Variants in RIT2 observed in about 807,000 individuals in gnomAD.
RIT2 encodes the protein GTP-binding protein Rit2.
In RIT2, 24 loss-of-function variants were observed where a neutral mutation model predicts 23.7. The observed-to-expected ratio is 1.01, with a 90% CI of 0.73 to 1.43. The LOEUF (loss-of-function observed/expected upper bound fraction) is 1.43. Among genes scored for constraint, RIT2 ranks in the 40% most tolerant of loss-of-function variants. The pLI is 0.00. For missense variants in RIT2, 236 were observed against 266.9 expected (o/e 0.88, Z 0.81); for synonymous variants, 107 against 91.1 (o/e 1.17, Z -0.99).
chr18:42,760,836 A>G (rs956623325), intron 4 of RIT2, among the ~76,000 whole-genome samples: 8 of 152,340 alleles, frequency 5.3e-5, no homozygotes, highest in African/African-American at 1.7e-4. Flanking sequence ...CCCTGCATGC[A>G]TCATGCATCC....
chr18:42,940,268 A>ATATATT (rs1187187637), intron 3 of RIT2, among the ~76,000 whole-genome samples: 10 of 141,732 alleles, frequency 7.1e-5, no homozygotes, highest in Middle Eastern at 3.6e-3. Context: ...ATATATATAT[A>ATATATT]TGCACACACA....
intron 3 of RIT2, among the ~76,000 whole-genome samples, chr18:42,967,518 C>T (rs984999641): frequency 4.0e-5 from 6 of 150,020 alleles, no homozygotes; most frequent in Non-Finnish European, 8.9e-5. Context: ...TACAGACGCC[C>T]GCCACCACGC....
intron 2 of RIT2, among the ~76,000 whole-genome samples, chr18:43,015,203 G>A (rs892293171): frequency 6.6e-6 from 1 of 151,600 alleles, no homozygotes; most frequent in African/African-American, 2.4e-5. Flanking sequence ...TCATGAGAGT[G>A]AGAATATTTT....
Position 42,944,078 on chromosome 18 carries a change from G to A in RIT2, c.235-20315C>T, listed in dbSNP as rs541454034. ...GTCTCTGAAATGTAAGCCACGTCAC[G>A]TCCCTTCCCTACTTTGAACTAGCTA... On this transcript the variant is annotated intron_variant, in intron 3 of 4. Transcript: ENST00000326695. Among the ~76,000 whole-genome samples the A allele has an allele frequency of 3.3e-5, 5 of 152,146 alleles. No homozygotes were observed. In the East Asian group the frequency reaches 5.8e-4, roughly 18 times the overall value.
chr18:42,874,811 A>AG (rs139507686), intron 4 of RIT2, among the ~76,000 whole-genome samples: 2,243 of 152,188 alleles, frequency 0.015, 54 homozygotes, highest in African/African-American at 0.052. Flanking sequence ...AATTTTGCAC[A>AG]GTTGTCCATA....
intron 1 of RIT2, among the ~76,000 whole-genome samples, chr18:43,100,098 A>G (rs1046983977): frequency 2.0e-5 from 3 of 152,124 alleles, no homozygotes. Flanking sequence ...TTGGAAAGCA[A>G]TAGGTGCTAT....
intron 3 of RIT2, among the ~76,000 whole-genome samples, chr18:42,970,003 C>A (rs747377057): frequency 6.6e-6 from 1 of 151,884 alleles, no homozygotes; most frequent in Non-Finnish European, 1.5e-5. Flanking sequence ...ATTTTCTTGA[C>A]CTATTGCAGT....
intron 3 of RIT2, among the ~76,000 whole-genome samples, chr18:42,960,052 C>G (rs1910060421): frequency 6.6e-6 from 1 of 152,166 alleles, no homozygotes; most frequent in Admixed American, 6.5e-5. Context: ...AATTTCAACT[C>G]TATAGATTAA....
At chr18:43,114,050 A>G (rs1914011826) in intron 1 of RIT2, among the ~76,000 whole-genome samples, 1 of 151,862 alleles carries the variant, frequency 6.6e-6, no homozygotes, top group South Asian at 2.1e-4. Context: ...TTAAATCCTA[A>G]CCTATTTTGA....
At chr18:42,957,984 A>C (rs1910012255) in intron 3 of RIT2, among the ~76,000 whole-genome samples, 1 of 152,106 alleles carries the variant, frequency 6.6e-6, no homozygotes, top group Admixed American at 6.5e-5. Context: ...TTGATCATTA[A>C]GATTTTGAGA....
chr18:43,086,572 C>T (rs968396357), intron 1 of RIT2, among the ~76,000 whole-genome samples: 6 of 152,080 alleles, frequency 3.9e-5, no homozygotes, highest in African/African-American at 1.4e-4. Flanking sequence ...TGCCCCACTG[C>T]GGGATTCACA....
intron 1 of RIT2, among the ~76,000 whole-genome samples, chr18:43,102,401 A>G (rs953006007): frequency 6.6e-6 from 1 of 151,434 alleles, no homozygotes; most frequent in African/African-American, 2.4e-5. Flanking sequence ...AACATTTTAT[A>G]AAATACTTTC....
chr18:42,980,971 G>T (rs1202554504), intron 2 of RIT2, among the ~76,000 whole-genome samples: 4 of 152,130 alleles, frequency 2.6e-5, no homozygotes, highest in Non-Finnish European at 5.9e-5. Context: ...TCTCTCATAT[G>T]TTAGAAACAT....
At chr18:42,837,880 A>G (rs17635398) in intron 4 of RIT2, among the ~76,000 whole-genome samples, 16,368 of 152,232 alleles carry the variant, frequency 0.11, 996 homozygotes, top group Middle Eastern at 0.24. Context: ...CACAGTACCA[A>G]TGAAATTAGG....
intron 3 of RIT2, among the ~76,000 whole-genome samples, chr18:42,941,939 TG>T (rs879686213): frequency 5.3e-5 from 8 of 152,252 alleles, no homozygotes; most frequent in Admixed American, 4.6e-4. Context: ...GTCGTAGAAC[TG>T]GGATTACTGT....
chr18:42,918,990 T>C (rs1224278378), intron 4 of RIT2, among the ~76,000 whole-genome samples: 2 of 152,156 alleles, frequency 1.3e-5, no homozygotes, highest in East Asian at 3.9e-4. Context: ...AATTGTGCTA[T>C]ATTGTTCAAC....
rs373158597 is a variant in RIT2 at position 43,033,787 on chromosome 18, C to T, written c.160+24G>A. 34 of 1,538,270 alleles carry T rather than the reference C, an allele frequency of 2.2e-5. No homozygotes were observed. The Middle Eastern group carries it at 6.8e-4, about 31-fold the overall frequency. ...GTCACAGTGTCTTTATTTGAGCTTA[C>T]GGAGAAAGGAAGCTTCCACTTACCT... On this transcript the variant is annotated intron_variant, in intron 2 of 4. Coordinates refer to ENST00000326695, the MANE Select transcript of RIT2 (RefSeq NM_002930.4).
At chr18:43,086,278 A>T (rs944844659) in intron 1 of RIT2, among the ~76,000 whole-genome samples, 10 of 152,136 alleles carry the variant, frequency 6.6e-5, no homozygotes, top group Non-Finnish European at 1.5e-4. Context: ...TTCAAGTTGT[A>T]TAGACATTAC....
At chr18:42,986,191 C>G (rs147662056) in intron 2 of RIT2, among the ~76,000 whole-genome samples, 3 of 151,552 alleles carry the variant, frequency 2.0e-5, no homozygotes, top group African/African-American at 7.3e-5. Flanking sequence ...AGGCACCCAC[C>G]ACCACGCCTG....
Sources: gnomAD v4.1 joint callset for allele counts (sites outside exome capture counted in the v4.1 genomes callset) on GRCh38, gnomAD v4.1.1 for gene constraint, MANE v1.5 for transcripts, NCBI Gene and HGNC (gene_info 2026-07-23, HGNC 2026-07-21) for gene names.